The following CAMKMT variants were observed in gnomAD, a reference collection of about 807,000 sequenced individuals.
CAMKMT encodes calmodulin-lysine N-methyltransferase.
Under a neutral mutation model 48.0 loss-of-function variants are expected in CAMKMT, and 53 were observed. That is an observed-to-expected ratio of 1.10 (90% CI 0.89 to 1.39). The LOEUF is 1.39. CAMKMT is among the 40% of genes most tolerant of loss of function. The pLI, the probability that CAMKMT is intolerant of heterozygous loss-of-function variation, is 0.00. For missense variants in CAMKMT, 428 were observed against 402.7 expected, an observed-to-expected ratio of 1.06 and a Z score of -0.54; for synonymous variants, 165 against 152.3, an observed-to-expected ratio of 1.08 and a Z score of -0.61.
intron 3 of CAMKMT, among the ~76,000 whole-genome samples, chr2:44,597,349 A>G (rs1246854527): frequency 6.6e-6 from 1 of 152,268 alleles, no homozygotes; most frequent in Non-Finnish European, 1.5e-5. Flanking sequence ...TACTAAATAT[A>G]GAATCATTTA....
chr2:44,482,529 T>G (rs937936676), intron 3 of CAMKMT, among the ~76,000 whole-genome samples: 14 of 152,138 alleles, frequency 9.2e-5, no homozygotes, highest in Admixed American at 6.5e-5. Context: ...AACACTAATT[T>G]CTGTACATTT....
chr2:44,429,517 TTTG>T (rs999723745), intron 3 of CAMKMT, among the ~76,000 whole-genome samples: 6 of 152,168 alleles, frequency 3.9e-5, no homozygotes, highest in South Asian at 4.2e-4. Context: ...TTCCAAGGTT[TTTG>T]TTGTTGTTGT....
chr2:44,442,999 T>C (rs1666764467), intron 3 of CAMKMT, among the ~76,000 whole-genome samples: 1 of 152,220 alleles, frequency 6.6e-6, no homozygotes, highest in African/African-American at 2.4e-5. Context: ...TTCTTTATCT[T>C]CTTCCCGGCA....
intron 3 of CAMKMT, among the ~76,000 whole-genome samples, chr2:44,581,149 A>C (rs1483156705): frequency 6.6e-6 from 1 of 152,212 alleles, no homozygotes; most frequent in Non-Finnish European, 1.5e-5. Context: ...CGATGAGATC[A>C]AAAGGAGAAA....
At chr2:44,654,887 C>T (rs1674292309) in intron 3 of CAMKMT, among the ~76,000 whole-genome samples, 1 of 152,184 alleles carries the variant, frequency 6.6e-6, no homozygotes, top group African/African-American at 2.4e-5. Flanking sequence ...TTTCTAGGAA[C>T]CATTCTTAAT....
chr2:44,511,751 C>T (rs1261072464), intron 3 of CAMKMT, among the ~76,000 whole-genome samples: 2 of 152,192 alleles, frequency 1.3e-5, no homozygotes, highest in Non-Finnish European at 2.9e-5. Context: ...CCAGCTGTTC[C>T]CTCCTCCTGG....
At chr2:44,532,413 A>T (rs1666535489) in intron 3 of CAMKMT, among the ~76,000 whole-genome samples, 1 of 152,216 alleles carries the variant, frequency 6.6e-6, no homozygotes, top group African/African-American at 2.4e-5. Context: ...TCAAAAGTTA[A>T]GGAAAGTTTG....
chr2:44,551,827 A>G (rs922541325), intron 3 of CAMKMT, among the ~76,000 whole-genome samples: 1 of 152,130 alleles, frequency 6.6e-6, no homozygotes, highest in Non-Finnish European at 1.5e-5. Flanking sequence ...GAATCACATA[A>G]TTATTATTCT....
intron 3 of CAMKMT, among the ~76,000 whole-genome samples, chr2:44,568,807 A>C (rs1328122404): frequency 6.6e-6 from 1 of 152,184 alleles, no homozygotes; most frequent in Non-Finnish European, 1.5e-5. Context: ...GACTAAGGTT[A>C]GAATAGGGTG....
chr2:44,540,247 T>C (rs1281054118), intron 3 of CAMKMT, among the ~76,000 whole-genome samples: 1 of 152,126 alleles, frequency 6.6e-6, no homozygotes, highest in East Asian at 1.9e-4. Flanking sequence ...CATTATTTAT[T>C]TTGATGTTCA....
intron 3 of CAMKMT, among the ~76,000 whole-genome samples, chr2:44,583,656 C>A (rs1669691053): frequency 6.6e-6 from 1 of 151,948 alleles, no homozygotes; most frequent in African/African-American, 2.4e-5. Context: ...AATAGCTGGG[C>A]ATGGTGGCAC....
At chr2:44,403,186 C>T (rs1376253056) in intron 3 of CAMKMT, among the ~76,000 whole-genome samples, 2 of 152,274 alleles carry the variant, frequency 1.3e-5, no homozygotes, top group African/African-American at 4.8e-5. Flanking sequence ...AGAGAAAACA[C>T]TTTTGAGTTT....
chr2:44,438,131 A>G (rs1403162515), intron 3 of CAMKMT, among the ~76,000 whole-genome samples: 1 of 152,172 alleles, frequency 6.6e-6, no homozygotes, highest in African/African-American at 2.4e-5. Flanking sequence ...GTAATTTCTT[A>G]ACTAGATCAA....
At chr2:44,470,072 T>C (rs1558639785) in intron 3 of CAMKMT, among the ~76,000 whole-genome samples, 1 of 152,130 alleles carries the variant, frequency 6.6e-6, no homozygotes. Context: ...TCTTTTTTTT[T>C]CTCTCTAATA....
chr2:44,537,419 G>A (rs1470168278), intron 3 of CAMKMT, among the ~76,000 whole-genome samples: 2 of 152,120 alleles, frequency 1.3e-5, no homozygotes, highest in African/African-American at 4.8e-5. Context: ...ATGAACAAAT[G>A]TTTCACATGA....
chr2:44,471,864 A>G (rs1668435802), intron 3 of CAMKMT, among the ~76,000 whole-genome samples: 1 of 151,946 alleles, frequency 6.6e-6, no homozygotes, highest in Non-Finnish European at 1.5e-5. Flanking sequence ...TATTTTTAGT[A>G]GAAATGGGGT....
At chr2:44,461,220 C>T (rs928781884) in intron 3 of CAMKMT, among the ~76,000 whole-genome samples, 12 of 152,066 alleles carry the variant, frequency 7.9e-5, no homozygotes, top group African/African-American at 1.7e-4. Flanking sequence ...GTGTATACCT[C>T]GTTGTAATCC....
intron 3 of CAMKMT, among the ~76,000 whole-genome samples, chr2:44,522,163 C>T (rs1671150818): frequency 1.3e-5 from 2 of 152,088 alleles, no homozygotes; most frequent in South Asian, 4.1e-4. Context: ...GCCACCACTC[C>T]TGGCTAATTT....
intron 3 of CAMKMT, among the ~76,000 whole-genome samples, chr2:44,516,837 T>G (rs698784): frequency 0.76 from 114,806 of 150,866 alleles, 43,786 homozygotes; most frequent in Middle Eastern, 0.85. Flanking sequence ...CGCCTCCTGG[T>G]TTCAAGCGAT....
Sources: gnomAD v4.1 joint callset for allele counts (sites outside exome capture counted in the v4.1 genomes callset) on GRCh38, gnomAD v4.1.1 for gene constraint, MANE v1.5 for transcripts, NCBI Gene and HGNC (gene_info 2026-07-23, HGNC 2026-07-21) for gene names.